MGAT4C: variants seen among roughly 807,000 people sequenced by gnomAD.
MGAT4C encodes the protein alpha-1,3-mannosyl-glycoprotein 4-beta-N-acetylglucosaminyltransferase C.
A neutral mutation model predicts 40.1 loss-of-function variants in MGAT4C; 19 were observed. The ratio of observed to expected loss-of-function variants is 0.47; its 90% confidence interval spans 0.33 to 0.70. The LOEUF is 0.70. Among genes scored for constraint, MGAT4C ranks in the 30% least tolerant of loss-of-function variants. The pLI, the probability that MGAT4C is intolerant of heterozygous loss-of-function variation, is 0.02. For missense variants in MGAT4C, 491 were observed against 563.2 expected (o/e 0.87, Z 1.30); for synonymous variants, 181 against 187.1 (o/e 0.97, Z 0.27).
intron 2 of MGAT4C, among the ~76,000 whole-genome samples, chr12:86,502,682 C>G (rs1015901846): frequency 6.8e-6 from 1 of 148,042 alleles, no homozygotes; most frequent in African/African-American, 2.5e-5. Context: ...TACACGAGTT[C>G]TGCTCATATA....
At chr12:86,077,377 T>C (rs1157571930) in intron 1 of MGAT4C, among the ~76,000 whole-genome samples, 1 of 152,206 alleles carries the variant, frequency 6.6e-6, no homozygotes, top group Admixed American at 6.5e-5. Context: ...AATACTTAAA[T>C]GCTGATGTGA....
chr12:86,756,937 GC>G (rs1951315192), intron 1 of MGAT4C, among the ~76,000 whole-genome samples: 1 of 151,966 alleles, frequency 6.6e-6, no homozygotes, highest in African/African-American at 2.4e-5. Flanking sequence ...ATCATAATAA[GC>G]CTTTCTCAAA....
chr12:86,810,997 T>C (rs1272469373), intron 1 of MGAT4C, among the ~76,000 whole-genome samples: 5 of 123,848 alleles, frequency 4.0e-5, no homozygotes, highest in Non-Finnish European at 9.1e-5. Flanking sequence ...ATGTAGAAAC[T>C]TTGATTTTTG....
rs12311329 is a variant in MGAT4C at position 86,682,891 on chromosome 12, A to G, written c.-229+44318T>C. ...ATGATGTGCTTGTCTGAACAACACT[A>G]TCACCATCTCCTGTATTTAAAACAT... On this transcript the variant is annotated intron_variant, in intron 2 of 7. Transcript: ENST00000548651. Among the ~76,000 whole-genome samples, 1,000 of 152,320 alleles carry G rather than the reference A, an allele frequency of 6.6e-3. 13 individuals carry two copies. The highest frequency in any genetic ancestry group is 0.023 in the African/African-American group (963 of 41,588).
intron 4 of MGAT4C, among the ~76,000 whole-genome samples, chr12:86,293,239 G>C (rs942121232): frequency 6.6e-6 from 1 of 151,966 alleles, no homozygotes; most frequent in African/African-American, 2.4e-5. Context: ...GTGTACATGG[G>C]GTTAAATGTT....
At chr12:86,639,923 C>T (rs925004784) in intron 2 of MGAT4C, among the ~76,000 whole-genome samples, 3 of 151,596 alleles carry the variant, frequency 2.0e-5, no homozygotes, top group African/African-American at 7.3e-5. Context: ...ACTTAATCAG[C>T]TAGTAACAGG....
At chr12:86,017,139 C>T (rs186343522) in intron 2 of MGAT4C, among the ~76,000 whole-genome samples, 12 of 152,092 alleles carry the variant, frequency 7.9e-5, no homozygotes, top group East Asian at 1.9e-4. Flanking sequence ...TTAAAAAAAA[C>T]GTATTATATC....
At chr12:86,209,956 G>C (rs2135955888) in intron 1 of MGAT4C, among the ~76,000 whole-genome samples, 1 of 152,142 alleles carries the variant, frequency 6.6e-6, no homozygotes, top group African/African-American at 2.4e-5. Flanking sequence ...TCACTCAATT[G>C]CCTTTCATTT....
intron 2 of MGAT4C, among the ~76,000 whole-genome samples, chr12:86,469,779 T>C (rs529253668): frequency 1.3e-5 from 2 of 152,308 alleles, no homozygotes; most frequent in East Asian, 1.9e-4. Context: ...ATAACTGTTA[T>C]GGTTTTCAGC....
At chr12:86,587,533 C>A (rs1360159363) in intron 2 of MGAT4C, among the ~76,000 whole-genome samples, 1 of 151,922 alleles carries the variant, frequency 6.6e-6, no homozygotes, top group Non-Finnish European at 1.5e-5. Context: ...CTATAAATTA[C>A]CTTGGGCAGT....
At chr12:86,080,707 G>C (rs1187308845) in intron 1 of MGAT4C, among the ~76,000 whole-genome samples, 1 of 152,000 alleles carries the variant, frequency 6.6e-6, no homozygotes, top group Non-Finnish European at 1.5e-5. Context: ...TTGGAGTTAT[G>C]TATTCTACTC....
At chr12:85,984,245 A>G (rs1433267774) in intron 3 of MGAT4C, among the ~76,000 whole-genome samples, 1 of 152,208 alleles carries the variant, frequency 6.6e-6, no homozygotes, top group Non-Finnish European at 1.5e-5. Flanking sequence ...GCTGTTGAGA[A>G]GGGCCAGTTA....
intron 1 of MGAT4C, among the ~76,000 whole-genome samples, chr12:86,731,689 A>G (rs1477349119): frequency 2.6e-5 from 4 of 151,842 alleles, no homozygotes; most frequent in Non-Finnish European, 5.9e-5. Context: ...CTAAATTTTT[A>G]TTTGTGATAA....
At chr12:86,611,445 A>AGAT (rs1334704412) in intron 2 of MGAT4C, among the ~76,000 whole-genome samples, 18 of 125,008 alleles carry the variant, frequency 1.4e-4, no homozygotes, top group Admixed American at 1.3e-3. Flanking sequence ...ACAGATAGAT[A>AGAT]GATAGATAGA....
At chr12:86,156,191 G>C (rs1408604166) in intron 1 of MGAT4C, among the ~76,000 whole-genome samples, 2 of 152,066 alleles carry the variant, frequency 1.3e-5, no homozygotes, top group Non-Finnish European at 2.9e-5. Context: ...TCTTTGGCAT[G>C]TGTTCATTTC....
intron 4 of MGAT4C, among the ~76,000 whole-genome samples, chr12:86,312,613 A>G (rs1954107061): frequency 1.3e-5 from 2 of 152,232 alleles, no homozygotes; most frequent in Non-Finnish European, 2.9e-5. Flanking sequence ...ACAAATTTGT[A>G]GCATAATGCC....
At chr12:86,789,893 G>C (rs1362479630) in intron 1 of MGAT4C, among the ~76,000 whole-genome samples, 1 of 152,114 alleles carries the variant, frequency 6.6e-6, no homozygotes, top group Non-Finnish European at 1.5e-5. Context: ...TACACACAGA[G>C]AGGTTAATTC....
chr12:86,053,329 G>A (rs1269784338), intron 1 of MGAT4C, among the ~76,000 whole-genome samples: 1 of 151,778 alleles, frequency 6.6e-6, no homozygotes, highest in Non-Finnish European at 1.5e-5. Context: ...AAGGCAGGAT[G>A]TTCTGTCCCT....
intron 2 of MGAT4C, among the ~76,000 whole-genome samples, chr12:86,019,548 C>T (rs1415823240): frequency 6.6e-6 from 1 of 152,064 alleles, no homozygotes; most frequent in Non-Finnish European, 1.5e-5. Flanking sequence ...AATCATGTTT[C>T]CACCTTAATG....
Sources: allele counts gnomAD v4.1 joint callset (sites outside exome capture counted in the v4.1 genomes callset), GRCh38; gene constraint gnomAD v4.1.1; transcripts MANE v1.5; gene names NCBI Gene and HGNC (gene_info 2026-07-23, HGNC 2026-07-21).